Variants in SRD5A2 observed in about 807,000 individuals in gnomAD.
SRD5A2 encodes the protein 3-oxo-5-alpha-steroid 4-dehydrogenase 2.
In SRD5A2, 30 loss-of-function variants were observed where a neutral mutation model predicts 27.4. The ratio of observed to expected loss-of-function variants is 1.10; its 90% CI spans 0.82 to 1.49. The LOEUF is 1.49. Among genes scored for constraint, SRD5A2 ranks in the 40% most tolerant of loss-of-function variants. The pLI, the probability that SRD5A2 is intolerant of heterozygous loss-of-function variation, is 0.00. For missense variants in SRD5A2, 348 were observed against 323.4 expected, an observed-to-expected ratio of 1.08 and a Z score of -0.58; for synonymous variants, 141 against 133.6, an observed-to-expected ratio of 1.06 and a Z score of -0.38.
At chr2:31,552,622 A>G (rs1666403091) in intron 1 of SRD5A2, among the ~76,000 whole-genome samples, 3 of 152,120 alleles carry the variant, frequency 2.0e-5, no homozygotes, top group Admixed American at 6.5e-5. Flanking sequence ...CTTTCACTAC[A>G]TTGCCAGAAG....
chr2:31,567,075 T>C (rs1476607506), intron 1 of SRD5A2, among the ~76,000 whole-genome samples: 1 of 152,212 alleles, frequency 6.6e-6, no homozygotes, highest in Non-Finnish European at 1.5e-5. Flanking sequence ...GAAATATATA[T>C]GGTAATTTAA....
chr2:31,526,168 A>T lies in SRD5A2; in HGVS notation c.*28T>A. ...TGACAGTTTTCATCAGCATTGTGGG[A>T]GCTCTGCTCCTTTTTAATTTGGTTC... On this transcript the variant is annotated 3_prime_UTR_variant, in exon 5 of 5. Coordinates refer to ENST00000622030, the MANE Select transcript of SRD5A2 (RefSeq NM_000348.4). The T allele has an allele frequency of 6.9e-7, 1 of 1,453,758 alleles. No individual in the cohort carries two copies. The highest frequency in any genetic ancestry group is 9.5e-7 in the Non-Finnish European group (1 of 1,054,542). 90.1% of individuals were successfully genotyped at this position (1,453,758 alleles called of 1,614,324 possible). A position where few individuals can be genotyped will look rare whatever the true frequency, so the allele number is the denominator to read the frequency against.
At position 31,531,894 on chromosome 2, in the gene SRD5A2, A is replaced by C. The variant is rs144175386; in HGVS notation, c.446-422T>G. 6.3e-3 allele frequency among the ~76,000 whole-genome samples: 962 copies of C among 152,312 alleles called. 5 individuals are homozygous for C. Among genetic ancestry groups the C allele is most frequent in the African/African-American group, 0.022 (894 of 41,572 alleles). ...TGCCATCCCCCACTACAGAGGTTGC[A>C]CTGAGAAAGGGGGTCACATGAGCTA... On this transcript the variant is annotated intron_variant, in intron 2 of 4. Transcript: ENST00000622030.
the SRD5A2 span, among the ~76,000 whole-genome samples, chr2:31,659,393 T>C: frequency 6.6e-6 from 1 of 152,106 alleles, no homozygotes; most frequent in Non-Finnish European, 1.5e-5. Flanking sequence ...AGTCAAACTA[T>C]TCCTATTTGC....
the SRD5A2 span, among the ~76,000 whole-genome samples, chr2:31,662,308 T>C: frequency 1.3e-5 from 2 of 152,054 alleles, no homozygotes; most frequent in East Asian, 3.9e-4. Flanking sequence ...TTGCAGGTTG[T>C]TTTGTGTGTT....
chr2:31,642,072 A>C, the SRD5A2 span, among the ~76,000 whole-genome samples: 213 of 152,266 alleles, frequency 1.4e-3, no homozygotes, highest in African/African-American at 5.0e-3. Context: ...ATTGTAACAA[A>C]ATATAGCCCA....
intron 4 of SRD5A2, among the ~76,000 whole-genome samples, chr2:31,528,459 G>C (rs936298597): frequency 6.6e-6 from 1 of 152,146 alleles, no homozygotes; most frequent in Non-Finnish European, 1.5e-5. Context: ...TGGTTCTCTA[G>C]CCTGCTGTGC....
At chr2:31,646,471 C>T in the SRD5A2 span, among the ~76,000 whole-genome samples, 2 of 152,082 alleles carry the variant, frequency 1.3e-5, no homozygotes, top group Non-Finnish European at 2.9e-5. Context: ...GAAGGAGGAA[C>T]ATTCAAAAAG....
chr2:31,641,644 TAGAA>T, the SRD5A2 span, among the ~76,000 whole-genome samples: 1 of 152,122 alleles, frequency 6.6e-6, no homozygotes, highest in Non-Finnish European at 1.5e-5. Context: ...ATTCCTAAGA[TAGAA>T]AGGTTGGCTC....
the SRD5A2 span, among the ~76,000 whole-genome samples, chr2:31,591,596 C>A: frequency 6.6e-6 from 1 of 151,658 alleles, no homozygotes; most frequent in African/African-American, 2.4e-5. Context: ...GGTATACACC[C>A]AAAGGATTAC....
the SRD5A2 span, among the ~76,000 whole-genome samples, chr2:31,639,090 G>A: frequency 1.3e-5 from 2 of 151,768 alleles, no homozygotes; most frequent in Admixed American, 6.6e-5. Context: ...TTGTTGCATT[G>A]CAGTTACCAT....
the SRD5A2 span, among the ~76,000 whole-genome samples, chr2:31,601,371 A>C: frequency 3.9e-5 from 6 of 152,058 alleles, no homozygotes; most frequent in Non-Finnish European, 8.8e-5. Flanking sequence ...GAACCAGAAG[A>C]AATTGAATCC....
chr2:31,569,704 CTT>C (rs1392836143), intron 1 of SRD5A2, among the ~76,000 whole-genome samples: 1 of 148,602 alleles, frequency 6.7e-6, no homozygotes, highest in Non-Finnish European at 1.5e-5. Flanking sequence ...AACAAAAAAA[CTT>C]TGATTCAAAC....
the SRD5A2 span, among the ~76,000 whole-genome samples, chr2:31,595,562 A>G: frequency 2.0e-5 from 3 of 151,172 alleles, no homozygotes; most frequent in African/African-American, 7.2e-5. Context: ...ACAGTGAGAA[A>G]AAGTTGCCAA....
chr2:31,536,890 G>C (rs1227297213), intron 1 of SRD5A2, among the ~76,000 whole-genome samples: 1 of 152,114 alleles, frequency 6.6e-6, no homozygotes, highest in East Asian at 1.9e-4. Flanking sequence ...CACCTCTAAT[G>C]TAAATTTTCA....
At chr2:31,629,004 A>AT in the SRD5A2 span, among the ~76,000 whole-genome samples, 271 of 152,158 alleles carry the variant, frequency 1.8e-3, no homozygotes, top group African/African-American at 6.3e-3. Context: ...TAAATGTATG[A>AT]TTTTTTTCTC....
At chr2:31,543,631 A>G (rs1240562493) in intron 1 of SRD5A2, among the ~76,000 whole-genome samples, 1 of 152,158 alleles carries the variant, frequency 6.6e-6, no homozygotes, top group Admixed American at 6.5e-5. Context: ...TCAAAGAGAG[A>G]TGGGAAGGAG....
At chr2:31,639,943 T>C in the SRD5A2 span, among the ~76,000 whole-genome samples, 1 of 152,146 alleles carries the variant, frequency 6.6e-6, no homozygotes. Flanking sequence ...CCCCTTGCTC[T>C]TGTTCAGATG....
At chr2:31,583,621 AAAAAAAAC>A (rs768309799), upstream of SRD5A2, among the ~76,000 whole-genome samples, 23 of 47,586 alleles carry the variant, frequency 4.8e-4, no homozygotes, top group South Asian at 1.5e-3. Flanking sequence ...CAGGAAAAAA[AAAAAAAAC>A]AAAAAAAAAG....
Sources: allele counts gnomAD v4.1 joint callset (sites outside exome capture counted in the v4.1 genomes callset), GRCh38; gene constraint gnomAD v4.1.1; transcripts MANE v1.5; gene names NCBI Gene and HGNC (gene_info 2026-07-23, HGNC 2026-07-21).